Variants in MGAT5 observed in about 807,000 individuals in gnomAD.
MGAT5 encodes the protein alpha-1,6-mannosylglycoprotein 6-beta-N-acetylglucosaminyltransferase A.
MGAT5 carries 30 observed loss-of-function variants against 94.3 expected under a neutral mutation model. The observed-to-expected ratio is 0.32, with a 90% CI of 0.24 to 0.43. The LOEUF (loss-of-function observed/expected upper bound fraction) is 0.43. Ranked by LOEUF, MGAT5 falls within the 20% of genes least tolerant of loss-of-function variation. The probability of loss-of-function intolerance (pLI) is 1.00; values close to 1 mark genes in which losing one functional copy is unlikely to be tolerated. For missense variants in MGAT5, 691 were observed against 905.5 expected, an observed-to-expected ratio of 0.76 and a Z score of 3.04; for synonymous variants, 310 against 322.9, an observed-to-expected ratio of 0.96 and a Z score of 0.43.
At chr2:134,436,681 A>G (rs1461634550) in intron 14 of MGAT5, among the ~76,000 whole-genome samples, 1 of 152,102 alleles carries the variant, frequency 6.6e-6, no homozygotes, top group African/African-American at 2.4e-5. Flanking sequence ...GATGTCTCCA[A>G]TGCAGTACCT....
chr2:134,359,926 G>T (rs1341971848), intron 9 of MGAT5, among the ~76,000 whole-genome samples: 1 of 152,170 alleles, frequency 6.6e-6, no homozygotes, highest in African/African-American at 2.4e-5. Flanking sequence ...TCACCTGCTG[G>T]GGCGAGTCAT....
intron 1 of MGAT5, among the ~76,000 whole-genome samples, chr2:134,248,040 A>G (rs1433123108): frequency 6.6e-6 from 1 of 151,972 alleles, no homozygotes; most frequent in Non-Finnish European, 1.5e-5. Flanking sequence ...GTTTTTTTGC[A>G]GTTTTCTTCT....
At chr2:134,289,490 G>T (rs1277652620) in intron 2 of MGAT5, among the ~76,000 whole-genome samples, 2 of 152,158 alleles carry the variant, frequency 1.3e-5, no homozygotes, top group Admixed American at 1.3e-4. Flanking sequence ...GAGGGACTTT[G>T]GTGTGGTTGC....
intron 13 of MGAT5, among the ~76,000 whole-genome samples, chr2:134,424,221 A>C (rs1684455887): frequency 1.3e-5 from 2 of 152,190 alleles, no homozygotes; most frequent in South Asian, 4.1e-4. Flanking sequence ...CCTGGGAGGG[A>C]TAGCCAGTGT....
intron 15 of MGAT5, among the ~76,000 whole-genome samples, chr2:134,445,808 T>C (rs1353006243): frequency 6.6e-6 from 1 of 152,140 alleles, no homozygotes; most frequent in African/African-American, 2.4e-5. Context: ...CATAGCACCA[T>C]GCACTGCCTG....
chr2:134,311,838 A>G (rs1340948086), intron 2 of MGAT5, among the ~76,000 whole-genome samples: 1 of 152,234 alleles, frequency 6.6e-6, no homozygotes, highest in Non-Finnish European at 1.5e-5. Flanking sequence ...TAGCATCTTT[A>G]TATACGTATA....
rs139102892 is a variant in MGAT5, at chr2:134,218,665, T to A, written c.-142-35597T>A. Among the ~76,000 whole-genome samples the A allele has an allele frequency of 2.2e-3, 328 of 152,180 alleles. 1 individual carries two copies. Among genetic ancestry groups the A allele is most frequent in the African/African-American group, 7.5e-3 (312 of 41,500 alleles). ...CATGCAGTACCTTTGGAGGCCCAGG[T>A]TGGGACCTGGTGTACTGTGACTTCT... is the stretch of plus-strand genomic sequence containing the variant. On this transcript the variant is annotated intron_variant, in intron 1 of 16. Transcript: ENST00000409645.
chr2:134,369,727 T>TTGTGTGTGTGTGTGTGTGTG (rs10526028), intron 10 of MGAT5, among the ~76,000 whole-genome samples: 1,675 of 142,232 alleles, frequency 0.012, 28 homozygotes, highest in African/African-American at 0.025. Context: ...GGTTTTTACA[T>TTGTGTGTGTGTGTGTGTGTG]TGTGTGTGTG....
intron 2 of MGAT5, among the ~76,000 whole-genome samples, chr2:134,281,709 C>G (rs77204278): frequency 1.3e-5 from 2 of 152,098 alleles, no homozygotes; most frequent in Non-Finnish European, 2.9e-5. Context: ...CTGTACCTTC[C>G]CACTCCAAAA....
intron 4 of MGAT5, among the ~76,000 whole-genome samples, chr2:134,330,572 T>TGTGG (rs1687908719): frequency 2.5e-5 from 1 of 39,632 alleles, no homozygotes; most frequent in African/African-American, 4.0e-5. Flanking sequence ...TGTGTGTGTG[T>TGTGG]GTGTGTGTGT....
chr2:134,239,527 C>G (rs1681854097), intron 1 of MGAT5, among the ~76,000 whole-genome samples: 1 of 152,214 alleles, frequency 6.6e-6, no homozygotes. Context: ...TGAGGAAAGA[C>G]TGTTGACATC....
rs1356411328 is a variant in MGAT5, at chr2:134,397,563, T to C, written c.1381-5425T>C. ...TGTCCTGTTTGCCATCAACCTTGGT[T>C]CACCTCATAGATTTCTAAGGCCCCT... On this transcript the variant is annotated intron_variant, in intron 10 of 15. Coordinates refer to ENST00000281923, the MANE Select transcript of MGAT5 (RefSeq NM_002410.5). 1.3e-4 allele frequency among the ~76,000 whole-genome samples: 20 copies of C among 152,182 alleles called. 1 individual carries two copies. Among genetic ancestry groups the C allele is most frequent in the Admixed American group, 1.3e-3 (20 of 15,278 alleles).
intron 10 of MGAT5, among the ~76,000 whole-genome samples, chr2:134,379,968 G>A (rs1002367588): frequency 1.3e-5 from 2 of 152,210 alleles, no homozygotes; most frequent in Non-Finnish European, 2.9e-5. Context: ...TGTCAACCCA[G>A]TTTTCTCACC....
At chr2:134,194,814 G>C (rs1277496191) in intron 1 of MGAT5, among the ~76,000 whole-genome samples, 2 of 152,142 alleles carry the variant, frequency 1.3e-5, no homozygotes, top group Non-Finnish European at 2.9e-5. Context: ...CAAGGCCCTG[G>C]TGGAATATCT....
At chr2:134,440,867 A>C (rs1685450701) in intron 14 of MGAT5, among the ~76,000 whole-genome samples, 1 of 152,190 alleles carries the variant, frequency 6.6e-6, no homozygotes, top group Non-Finnish European at 1.5e-5. Flanking sequence ...ATTCACCAAA[A>C]ATTGAGTAAA....
At chr2:134,189,602 G>GTTTTGTTTTGTTTTTTTTTTTTTTTTT (rs1553490380) in intron 1 of MGAT5, among the ~76,000 whole-genome samples, 14 of 84,672 alleles carry the variant, frequency 1.7e-4, no homozygotes, top group South Asian at 4.2e-4. Flanking sequence ...GTTTTTTTTT[G>GTTTTGTTTTGTTTTTTTTTTTTTTTTT]TTTTTTTTTT....
intron 1 of MGAT5, among the ~76,000 whole-genome samples, chr2:134,207,967 G>A (rs1188921401): frequency 6.6e-6 from 1 of 152,186 alleles, no homozygotes; most frequent in Non-Finnish European, 1.5e-5. Flanking sequence ...TGATTGGAAG[G>A]TGAAAAGACT....
intron 2 of MGAT5, among the ~76,000 whole-genome samples, chr2:134,275,898 T>C (rs1684331720): frequency 6.6e-6 from 1 of 152,102 alleles, no homozygotes; most frequent in Admixed American, 6.5e-5. Flanking sequence ...TATTTATTTC[T>C]AATAGATGAG....
At chr2:134,292,297 T>C (rs1685416233) in intron 2 of MGAT5, among the ~76,000 whole-genome samples, 1 of 152,112 alleles carries the variant, frequency 6.6e-6, no homozygotes, top group Admixed American at 6.5e-5. Context: ...CCCAATGCCT[T>C]TTACTCAGTG....
Sources: gnomAD v4.1 joint callset for allele counts (sites outside exome capture counted in the v4.1 genomes callset) on GRCh38, gnomAD v4.1.1 for gene constraint, MANE v1.5 for transcripts, NCBI Gene and HGNC (gene_info 2026-07-23, HGNC 2026-07-21) for gene names.